Variants in IL1RAPL1 observed in about 807,000 individuals in gnomAD.
The protein encoded by IL1RAPL1 is interleukin-1 receptor accessory protein-like 1.
IL1RAPL1 carries 3 observed loss-of-function variants against 48.4 expected under a neutral mutation model. The observed-to-expected ratio is 0.06, with a 90% CI of 0.03 to 0.16. IL1RAPL1 has a LOEUF of 0.16. IL1RAPL1 is among the 10% of genes least tolerant of loss of function. The probability of loss-of-function intolerance (pLI) is 1.00; values close to 1 mark genes in which losing one functional copy is unlikely to be tolerated. For synonymous variants in IL1RAPL1, 185 were observed against 187.7 expected (o/e 0.99, Z 0.12); for missense variants, 349 against 530.6 (o/e 0.66, Z 3.36).
intron 2 of IL1RAPL1, among the ~76,000 whole-genome samples, chrX:29,192,044 A>T (rs1411942142): frequency 8.9e-6 from 1 of 111,838 alleles, no homozygotes; most frequent in Non-Finnish European, 1.9e-5. Flanking sequence ...TCAGCTATGT[A>T]TCAGGCAGCA....
chrX:29,639,721 A>G (rs1370498515), intron 5 of IL1RAPL1, among the ~76,000 whole-genome samples: 6 of 110,747 alleles, frequency 5.4e-5, no homozygotes, highest in African/African-American at 2.0e-4. Context: ...CATTCATTTT[A>G]CGTCCACAAT....
At chrX:29,537,638 A>C (rs1474746245) in intron 5 of IL1RAPL1, among the ~76,000 whole-genome samples, 25 of 110,442 alleles carry the variant, frequency 2.3e-4, no homozygotes, top group East Asian at 5.6e-4. Flanking sequence ...AAAAAAAAAA[A>C]AACAACCTGG....
At chrX:29,630,789 C>T (rs1307414582) in intron 5 of IL1RAPL1, among the ~76,000 whole-genome samples, 5 of 112,088 alleles carry the variant, frequency 4.5e-5, no homozygotes, top group South Asian at 3.7e-4. Context: ...CCGCCCACCT[C>T]GGCCTCCCAA....
At chrX:29,646,204 G>T (rs1324410816) in intron 5 of IL1RAPL1, among the ~76,000 whole-genome samples, 1 of 111,557 alleles carries the variant, frequency 9.0e-6, no homozygotes, top group Non-Finnish European at 1.9e-5. Context: ...TAAATTTCAA[G>T]GAGTAAAACA....
intron 3 of IL1RAPL1, among the ~76,000 whole-genome samples, chrX:29,348,855 C>T (rs746694093): frequency 4.5e-5 from 5 of 111,558 alleles, no homozygotes; most frequent in African/African-American, 1.6e-4. Flanking sequence ...CTTTGTAGCT[C>T]ATTTTGTCCT....
chrX:28,779,676 A>G (rs1168671331), intron 1 of IL1RAPL1, among the ~76,000 whole-genome samples: 1 of 90,261 alleles, frequency 1.1e-5, no homozygotes, highest in African/African-American at 3.9e-5. Flanking sequence ...ATATATATAT[A>G]TAGAATGTGG....
chrX:28,787,926 C>T (rs1206145828), intron 1 of IL1RAPL1, among the ~76,000 whole-genome samples: 5 of 111,332 alleles, frequency 4.5e-5, no homozygotes, highest in Non-Finnish European at 7.5e-5. Context: ...CTTTCAGCTC[C>T]ACTATCTCAG....
chrX:29,174,380 C>A (rs771612129), intron 2 of IL1RAPL1, among the ~76,000 whole-genome samples: 1 of 112,174 alleles, frequency 8.9e-6, no homozygotes, highest in East Asian at 2.8e-4. Context: ...GGTAACCCAT[C>A]ACTTGTGCCG....
chrX:29,591,041 GT>G (rs747700978), intron 5 of IL1RAPL1, among the ~76,000 whole-genome samples: 1 of 112,276 alleles, frequency 8.9e-6, no homozygotes, highest in Non-Finnish European at 1.9e-5. Context: ...GCACCGTAGG[GT>G]AAAGGACACC....
rs765375676 is a variant in IL1RAPL1, at chrX:29,260,854, A to G, written c.83-22084A>G. 5.5e-5 allele frequency among the ~76,000 whole-genome samples: 6 copies of G among 109,093 alleles called. No homozygotes were observed. In the East Asian group the frequency reaches 1.7e-3, roughly 31 times the overall value. The allele number at this position is 109,093 out of a possible 115,157, so 94.7% of individuals were successfully genotyped here. A position where few individuals can be genotyped will look rare whatever the true frequency, so the allele number is the denominator to read the frequency against. On this transcript the variant is annotated intron_variant, in intron 2 of 10. Coordinates refer to ENST00000378993, the MANE Select transcript of IL1RAPL1 (RefSeq NM_014271.4). ...CATAACTTGCATTCTCATCCCACTTATATAGTTAATTTTTATATTTGTAAT... is the reference window on the plus strand; with the variant it reads ...CATAACTTGCATTCTCATCCCACTTGTATAGTTAATTTTTATATTTGTAAT...
chrX:29,021,215 G>GAAAAA (rs746008500), intron 2 of IL1RAPL1, among the ~76,000 whole-genome samples: 7 of 41,929 alleles, frequency 1.7e-4, no homozygotes, highest in East Asian at 1.0e-3. Flanking sequence ...CCGTCTCAAG[G>GAAAAA]AAAAAAAAAA....
chrX:28,720,509 A>C (rs1471050825), intron 1 of IL1RAPL1, among the ~76,000 whole-genome samples: 1 of 112,292 alleles, frequency 8.9e-6, no homozygotes, highest in African/African-American at 3.2e-5. Context: ...TTCTAAGCAT[A>C]TCAAATTACC....
intron 2 of IL1RAPL1, among the ~76,000 whole-genome samples, chrX:29,249,026 A>G (rs1271091617): frequency 9.0e-6 from 1 of 111,397 alleles, no homozygotes; most frequent in African/African-American, 3.3e-5. Flanking sequence ...TTAAATGAAA[A>G]AGTAGGGGAT....
chrX:29,384,013 T>A (rs982451429), intron 3 of IL1RAPL1, among the ~76,000 whole-genome samples: 1 of 112,363 alleles, frequency 8.9e-6, no homozygotes, highest in Non-Finnish European at 1.9e-5. Flanking sequence ...AATGTACAAC[T>A]ATATAATTTG....
chrX:29,249,627 T>C (rs1166911559), intron 2 of IL1RAPL1, among the ~76,000 whole-genome samples: 1 of 111,877 alleles, frequency 8.9e-6, no homozygotes, highest in East Asian at 2.8e-4. Context: ...CTAAGCGATA[T>C]ATGAATCTGA....
At chrX:28,775,809 T>C (rs191224098) in intron 1 of IL1RAPL1, among the ~76,000 whole-genome samples, 1 of 112,345 alleles carries the variant, frequency 8.9e-6, no homozygotes, top group Non-Finnish European at 1.9e-5. Context: ...CCTGTTCTTA[T>C]GGCCTTTCCA....
At chrX:28,766,250 C>G (rs1936236796) in intron 1 of IL1RAPL1, among the ~76,000 whole-genome samples, 1 of 111,008 alleles carries the variant, frequency 9.0e-6, no homozygotes, top group Non-Finnish European at 1.9e-5. Context: ...AGACTCTAGA[C>G]CTGCATGTCT....
chrX:29,324,445 G>C (rs1197424028), intron 3 of IL1RAPL1, among the ~76,000 whole-genome samples: 4 of 111,226 alleles, frequency 3.6e-5, no homozygotes. Context: ...AGACTGAGTG[G>C]GAAAAATCAG....
At chrX:29,007,959 A>T (rs1926022876) in intron 2 of IL1RAPL1, among the ~76,000 whole-genome samples, 1 of 111,561 alleles carries the variant, frequency 9.0e-6, no homozygotes, top group African/African-American at 3.3e-5. Context: ...TTTAACGCAG[A>T]CATTTGATAT....
Sources: allele counts gnomAD v4.1 joint callset (sites outside exome capture counted in the v4.1 genomes callset), GRCh38; gene constraint gnomAD v4.1.1; transcripts MANE v1.5; gene names NCBI Gene and HGNC (gene_info 2026-07-23, HGNC 2026-07-21).